Variants in AKAP19 observed in about 807,000 individuals in gnomAD.
AKAP19 encodes A-kinase anchoring protein 19.
At chr2:190,144,111 T>C in the AKAP19 span, among the ~76,000 whole-genome samples, 3 of 150,466 alleles carry the variant, frequency 2.0e-5, no homozygotes, top group Non-Finnish European at 3.0e-5. Flanking sequence ...GCATGGCACA[T>C]GTATACATAT....
the AKAP19 span, among the ~76,000 whole-genome samples, chr2:189,883,525 T>G: frequency 2.7e-5 from 4 of 145,732 alleles, no homozygotes; most frequent in South Asian, 2.2e-4. Flanking sequence ...TTTTTTTTTT[T>G]GAGTGTCAGC....
the AKAP19 span, among the ~76,000 whole-genome samples, chr2:190,053,693 G>A: frequency 6.6e-6 from 1 of 151,804 alleles, no homozygotes; most frequent in Non-Finnish European, 1.5e-5. Flanking sequence ...TTATATTATT[G>A]GTAGTACTCG....
chr2:189,892,870 T>C, the AKAP19 span, among the ~76,000 whole-genome samples: 2 of 152,096 alleles, frequency 1.3e-5, no homozygotes, highest in African/African-American at 4.8e-5. Flanking sequence ...CCCAGGGAGA[T>C]GGGAGTTTTG....
At chr2:189,889,837 G>A in the AKAP19 span, among the ~76,000 whole-genome samples, 1 of 151,850 alleles carries the variant, frequency 6.6e-6, no homozygotes, top group Non-Finnish European at 1.5e-5. Context: ...TTATTAGTCT[G>A]GCTAGTGGTC....
the AKAP19 span, among the ~76,000 whole-genome samples, chr2:190,081,216 C>A: frequency 2.1e-5 from 3 of 145,646 alleles, no homozygotes; most frequent in Non-Finnish European, 4.5e-5. Flanking sequence ...ATCCTCCCAT[C>A]CCCCCATCCC....
chr2:189,921,289 A>G, the AKAP19 span, among the ~76,000 whole-genome samples: 4 of 152,188 alleles, frequency 2.6e-5, no homozygotes, highest in Non-Finnish European at 4.4e-5. Context: ...AAAGTCAGGA[A>G]AATGTTGTGT....
the AKAP19 span, among the ~76,000 whole-genome samples, chr2:190,033,856 G>T: frequency 6.6e-6 from 1 of 152,088 alleles, no homozygotes; most frequent in Non-Finnish European, 1.5e-5. Context: ...AAGGTTTAGA[G>T]TATCTGCCAT....
chr2:190,011,957 T>C, the AKAP19 span, among the ~76,000 whole-genome samples: 3 of 150,224 alleles, frequency 2.0e-5, no homozygotes, highest in Non-Finnish European at 3.0e-5. Context: ...GTTTTTCCTA[T>C]TTTTTTTTTT....
the AKAP19 span, among the ~76,000 whole-genome samples, chr2:190,099,424 C>G: frequency 6.6e-6 from 1 of 152,142 alleles, no homozygotes; most frequent in Non-Finnish European, 1.5e-5. Context: ...GCAGTCAGGA[C>G]ACATACAACA....
chr2:189,951,993 C>A, the AKAP19 span, among the ~76,000 whole-genome samples: 1 of 152,204 alleles, frequency 6.6e-6, no homozygotes, highest in Non-Finnish European at 1.5e-5. Context: ...AACAAACAAA[C>A]TACACAAACT....
chr2:189,942,398 A>C, the AKAP19 span, among the ~76,000 whole-genome samples: 5 of 152,198 alleles, frequency 3.3e-5, no homozygotes. Flanking sequence ...CTTCCTGTAA[A>C]GCCTGAAGAA....
the AKAP19 span, among the ~76,000 whole-genome samples, chr2:189,910,000 TTTGTGC>T: frequency 6.6e-6 from 1 of 152,014 alleles, no homozygotes; most frequent in African/African-American, 2.4e-5. Context: ...TTTGCTTTAA[TTTGTGC>T]TTGGATAGGC....
chr2:189,950,520 G>GT, the AKAP19 span, among the ~76,000 whole-genome samples: 1 of 152,134 alleles, frequency 6.6e-6, no homozygotes, highest in African/African-American at 2.4e-5. Flanking sequence ...TTTGCTGAAA[G>GT]TAAGAGAGGG....
the AKAP19 span, among the ~76,000 whole-genome samples, chr2:189,992,471 T>C: frequency 6.6e-6 from 1 of 152,200 alleles, no homozygotes. Context: ...GCCTCCAGTG[T>C]ATTCTTTTTG....
At chr2:190,180,704 C>T in the AKAP19 span, 14 of 985,444 alleles carry the variant, frequency 1.4e-5, no homozygotes, top group East Asian at 1.5e-3. This position sits in a 1 kb window ranked among gnomAD's most constrained non-coding sequence, Gnocchi z 6.8. Flanking sequence ...GTTCGTGGGT[C>T]GCTCCCAGAG....
At chr2:190,187,113 G>A in the AKAP19 span, among the ~76,000 whole-genome samples, 1 of 151,016 alleles carries the variant, frequency 6.6e-6, no homozygotes, top group Non-Finnish European at 1.5e-5. Flanking sequence ...TAATGAATTG[G>A]TATTTTTATT....
At chr2:189,946,099 C>T in the AKAP19 span, among the ~76,000 whole-genome samples, 1 of 152,166 alleles carries the variant, frequency 6.6e-6, no homozygotes, top group East Asian at 1.9e-4. Context: ...AGAAATTACT[C>T]AAACTTCCCA....
the AKAP19 span, among the ~76,000 whole-genome samples, chr2:190,011,519 A>G: frequency 1.3e-5 from 2 of 152,186 alleles, no homozygotes; most frequent in Non-Finnish European, 2.9e-5. Flanking sequence ...GATGAATGTC[A>G]TGTCATTTTT....
chr2:189,968,145 A>G, the AKAP19 span, among the ~76,000 whole-genome samples: 1 of 152,222 alleles, frequency 6.6e-6, no homozygotes, highest in Admixed American at 6.5e-5. Flanking sequence ...AGAAAGAAAT[A>G]TAGAAGAAGT....
Sources: gnomAD v4.1 joint callset for allele counts (sites outside exome capture counted in the v4.1 genomes callset) on GRCh38, gnomAD v4.1.1 for gene constraint, Gnocchi (gnomAD v3.1) non-coding constraint, MANE v1.5 for transcripts, NCBI Gene and HGNC (gene_info 2026-07-23, HGNC 2026-07-21) for gene names.